The following MIB2 variants were observed in gnomAD, a reference collection of about 807,000 sequenced individuals.
The protein encoded by MIB2 is E3 ubiquitin-protein ligase MIB2.
A neutral mutation model predicts 96.6 loss-of-function variants in MIB2; 78 were observed. That is an observed-to-expected ratio of 0.81 (90% CI 0.67 to 0.97). MIB2 has a LOEUF of 0.97. Ranked by LOEUF, MIB2 falls within the 50% of genes least tolerant of loss-of-function variation. The probability of loss-of-function intolerance (pLI) is 0.00; values close to 1 mark genes in which losing one functional copy is unlikely to be tolerated. For synonymous variants in MIB2, 820 were observed against 629.5 expected (o/e 1.30, Z -4.53); for missense variants, 1,543 against 1,424.0 (o/e 1.08, Z -1.35).
At chr1:1,620,294 C>G (rs1644134614) in intron 2 of MIB2, among the ~76,000 whole-genome samples, 1 of 152,156 alleles carries the variant, frequency 6.6e-6, no homozygotes, top group South Asian at 2.1e-4. Flanking sequence ...AGTGTGGGCT[C>G]ATGGCATTGG....
chr1:1,628,575 G>T lies in MIB2; in HGVS notation c.2055G>T (p.Pro685=), dbSNP rs374793754. Residue 685 remains proline, a synonymous_variant, in exon 16 of 20, where the codon CCG becomes CCT. Coordinates refer to ENST00000355826, the MANE Select transcript of MIB2 (RefSeq NM_001170687.4). ...AVQQAHVGLV[P]LLVDAGCSVN... ...AACAGGCCCACGTGGGGCTGGTGCCGCTACTGGTGGACGCTGGGTGCAGTG... is the reference window on the plus strand; with the variant it reads ...AACAGGCCCACGTGGGGCTGGTGCCTCTACTGGTGGACGCTGGGTGCAGTG... The T allele has an allele frequency of 1.2e-6, 2 of 1,600,426 alleles. No individual in the cohort carries two copies. Among genetic ancestry groups the T allele is most frequent in the East Asian group, 2.2e-5 (1 of 44,646 alleles).
Position 1,628,492 on chromosome 1 carries a change from C to T in MIB2, c.1972C>T (p.Arg658Cys), listed in dbSNP as rs371873507. ...GCCCGTCCCCACCCCTCCCCAGGGC[C>T]GCTGTGACGTGAACGTGCGCAACCG... ...EVAQILIREG[R>C]CDVNVRNRKL... The change falls in exon 16 of 20, where the codon CGC becomes TGC. Residue 658 changes from arginine to cysteine, a missense_variant. By Grantham distance (180) the Arg-to-Cys change is radical. Transcript: ENST00000355826. 27 of 1,597,774 alleles carry T rather than the reference C, an allele frequency of 1.7e-5. No individual in the cohort carries two copies. The highest frequency in any genetic ancestry group is 1.7e-4 in the Middle Eastern group (1 of 5,986).
chr1:1,627,404 G>C lies in MIB2; in HGVS notation c.1483G>C (p.Asp495His). 1 of 1,612,950 alleles carries C rather than the reference G, an allele frequency of 6.2e-7. No homozygotes were observed. Among genetic ancestry groups the C allele is most frequent in the Non-Finnish European group, 8.5e-7 (1 of 1,179,924 alleles). Residue 495 changes from aspartate to histidine, a missense_variant, in exon 12 of 20, where the codon GAC becomes CAC. Asp to His is a moderately conservative substitution (Grantham distance 81, BLOSUM62 -1). Transcript: ENST00000355826. ...AGCCAGGGCGGGCGTGGACCTGCCG[G>C]ACGACGAGGGCAACACGGCACTGCA... is the stretch of plus-strand genomic sequence containing the variant. ...LQARAGVDLP[D>H]DEGNTALHYA...
Position 1,627,066 on chromosome 1 carries a change from GC to G in MIB2, c.1241-3del. 2 of 1,600,464 alleles carry G rather than the reference GC, an allele frequency of 1.2e-6. No individual in the cohort carries two copies. The highest frequency in any genetic ancestry group is 1.7e-5 in the Admixed American group (1 of 58,184). ...CCTGGCCACCACTAACCTCAGCCCT[GC>G]CCCCAGGCTCACTGAGCGTGGCCCT... On this transcript the variant is annotated splice_polypyrimidine_tract_variant and splice_region_variant and intron_variant, in intron 10 of 19. Coordinates refer to ENST00000355826, the MANE Select transcript of MIB2 (RefSeq NM_001170687.4).
intron 1 of MIB2, chr1:1,615,963 C>G: frequency 2.0e-6 from 2 of 986,366 alleles, no homozygotes; most frequent in Non-Finnish European, 2.4e-6. Flanking sequence ...TCTGGCCTGG[C>G]CTGGCCGCCG....
At chr1:1,617,539 G>A (rs1313642302) in intron 2 of MIB2, 3 of 152,228 alleles carry the variant, frequency 2.0e-5, no homozygotes, top group South Asian at 2.1e-4. Flanking sequence ...GTGTGACACT[G>A]CCTTTAGAAA....
chr1:1,615,894 C>T, intron 1 of MIB2: 2 of 1,038,140 alleles, frequency 1.9e-6, no homozygotes, highest in Non-Finnish European at 2.3e-6. Context: ...GCCAGCGGCG[C>T]TGGGGTCGGC....
At position 1,628,453 on chromosome 1, in the gene MIB2, G is replaced by A. The variant is rs544143745; in HGVS notation, c.1969-36G>A. The stretch of plus-strand genomic sequence containing the variant: ...GACCGGGGAGCGGGAGGCCCACTGG[G>A]GTCCCTGGGCTGAGCCCGTCCCCAC... On this transcript the variant is annotated intron_variant, in intron 15 of 19. Coordinates refer to ENST00000355826, the MANE Select transcript of MIB2 (RefSeq NM_001170687.4). The A allele has an allele frequency of 6.4e-5, 103 of 1,598,396 alleles. 2 individuals are homozygous for A. In the South Asian group the frequency reaches 1.0e-3, roughly 16 times the overall value.
rs1393825349 is a variant in MIB2 at position 1,629,474 on chromosome 1, C to T, written c.2471C>T (p.Ala824Val). ...GTGACGAACCTGCACGTGGGCGCCG[C>T]GCCGGGGCCCGAGGCCGCTGAGTGC... ...NTVTNLHVGA[A>V]PGPEAAECLV... Residue 824 changes from alanine to valine, a missense_variant, in exon 18 of 20, where the codon GCG becomes GTG. By Grantham distance (64) the Ala-to-Val change is moderately conservative. Transcript: ENST00000355826. 2.0e-6 allele frequency: 3 copies of T among 1,532,270 alleles called. No individual in the cohort carries two copies. Among genetic ancestry groups the T allele is most frequent in the Non-Finnish European group, 2.6e-6 (3 of 1,145,374 alleles). The allele number at this position is 1,532,270 out of a possible 1,614,324, so 94.9% of individuals were successfully genotyped here.
chr1:1,616,081 G>A, intron 1 of MIB2: 1 of 984,266 alleles, frequency 1.0e-6, no homozygotes, highest in Non-Finnish European at 1.2e-6. Context: ...GGAAACGTCC[G>A]GGCAAGTTGG....
chr1:1,615,657 C>G, intron 1 of MIB2, 24 bp downstream of exon 1: 8 of 1,565,552 alleles, frequency 5.1e-6, no homozygotes, highest in Non-Finnish European at 6.9e-6. Flanking sequence ...CGGATCTCCT[C>G]CCCTGGTCCT....
At position 1,624,875 on chromosome 1, in the gene MIB2, C is replaced by T. The variant is rs373335406; in HGVS notation, c.500C>T (p.Pro167Leu). The change falls in exon 5 of 20, where the codon CCC (proline) becomes CTC (leucine). Residue 167 changes from proline (P) to leucine (L), a missense_variant. Pro to Leu is a moderately conservative substitution (Grantham distance 98). Coordinates refer to ENST00000355826, the MANE Select transcript of MIB2 (RefSeq NM_001170687.4). Reference protein sequence around the residue: ...IFQGAKVVRGPDWEWGSQDGG... With the variant: ...IFQGAKVVRGLDWEWGSQDGG... ...CAGGGAGCGAAGGTGGTGCGAGGCC[C>T]CGACTGGGAGTGGGGCTCACAGGAT... 3 of 1,612,922 alleles carry T rather than the reference C, an allele frequency of 1.9e-6. No homozygotes were observed. The African/African-American group carries it at 4.0e-5, about 22-fold the overall frequency.
In MIB2 at chr1:1,616,542, A is replaced by G. The variant is rs894030710; in HGVS notation, c.-95A>G. The G allele has an allele frequency of 6.2e-7, 1 of 1,603,234 alleles. No homozygotes were observed. Among genetic ancestry groups the G allele is most frequent in the East Asian group, 2.3e-5 (1 of 44,290 alleles). ...CCCAGCGAGGCTAGAGGCCAGTCCCAAAGTTTCCAGGCATCAGGGCTGCAG... is the reference window on the plus strand; with the variant it reads ...CCCAGCGAGGCTAGAGGCCAGTCCCGAAGTTTCCAGGCATCAGGGCTGCAG... On this transcript the variant is annotated 5_prime_UTR_variant, in exon 2 of 20. Coordinates refer to ENST00000355826, the MANE Select transcript of MIB2 (RefSeq NM_001170687.4).
rs767655549 is a variant in MIB2 at position 1,630,369 on chromosome 1, C to A, written c.2707C>A (p.Arg903=). The change falls in exon 20 of 20, where the codon CGG becomes AGG. Residue 903 remains arginine (R), a synonymous_variant. Coordinates refer to ENST00000355826, the MANE Select transcript of MIB2 (RefSeq NM_001170687.4). ...GGTGGAGGAGCTGCAGAGCCGCTAC[C>A]GGCAGATGGAGGAACGCATCACCTG... The part of the protein sequence containing the change: ...QLVEELQSRY[R]QMEERITCPI... 3.7e-5 allele frequency: 57 copies of A among 1,547,490 alleles called. No individual in the cohort carries two copies. Among genetic ancestry groups the A allele is most frequent in the Non-Finnish European group, 4.0e-5 (46 of 1,147,526 alleles).
At position 1,616,149 on chromosome 1, in the gene MIB2, C is replaced by G. The variant is rs1051740203; in HGVS notation, c.-129-359C>G. On this transcript the variant is annotated intron_variant, in intron 1 of 19. Transcript: ENST00000355826. ...CTGGCAGCGGACAGGGCCGGGCGGC[C>G]TCCGCGAGCCACGGGCACGAATGAC... The G allele has an allele frequency of 5.6e-3, 5,413 of 968,022 alleles. 28 individuals carry two copies. Among genetic ancestry groups the G allele is most frequent in the Non-Finnish European group, 6.4e-3 (5,241 of 814,198 alleles). 60.0% of individuals were successfully genotyped at this position (968,022 alleles called of 1,614,324 possible). A position where few individuals can be genotyped will look rare whatever the true frequency, so the allele number is the denominator to read the frequency against.
rs757215863 is a variant in MIB2, at chr1:1,627,392, G to A, written c.1471G>A (p.Val491Met). 1.7e-5 allele frequency: 27 copies of A among 1,612,894 alleles called. No homozygotes were observed. The East Asian group carries it at 3.1e-4, about 19-fold the overall frequency. ...IRLLLQARAG[V>M]DLPDDEGNTA... is the part of the protein sequence containing the mutation. Reference sequence around the variant, plus strand: ...GCTGCTGCTACAAGCCAGGGCGGGCGTGGACCTGCCGGACGACGAGGGCAA... The same window carrying A: ...GCTGCTGCTACAAGCCAGGGCGGGCATGGACCTGCCGGACGACGAGGGCAA... Residue 491 changes from valine (V) to methionine (M), a missense_variant, in exon 12 of 20, where the codon GTG becomes ATG. Transcript: ENST00000355826.
Position 1,625,348 on chromosome 1 carries a change from A to G in MIB2, c.784A>G (p.Lys262Glu). 1 of 1,581,236 alleles carries G rather than the reference A, an allele frequency of 6.3e-7. No homozygotes were observed. Among genetic ancestry groups the G allele is most frequent in the Non-Finnish European group, 8.6e-7 (1 of 1,164,366 alleles). Residue 262 changes from lysine (K) to glutamate (E), a missense_variant, in exon 7 of 20, where the codon AAG (lysine) becomes GAG (glutamate). Transcript: ENST00000355826. The surrounding 1 kb of genome is among the most constrained non-coding windows in gnomAD (Gnocchi z 5.0). ...CAGCCAGCCCTTCCAGCACGGGGAC[A>G]AGGTCAAGTGTCTGCTGGACACTGA... is the stretch of plus-strand genomic sequence containing the variant. ...ADSQPFQHGD[K>E]VKCLLDTDVL...
intron 16 of MIB2, 98 bp from the exon 17 acceptor site, chr1:1,629,035 C>A: frequency 1.6e-6 from 2 of 1,264,564 alleles, no homozygotes; most frequent in Non-Finnish European, 2.1e-6. Context: ...GTATTTTAGA[C>A]ATGGGGCGCC....
Position 1,630,405 on chromosome 1 carries a change from A to G in MIB2, c.2743A>G (p.Ile915Val). 1.3e-6 allele frequency: 2 copies of G among 1,573,468 alleles called. No homozygotes were observed. The highest frequency in any genetic ancestry group is 1.7e-6 in the Non-Finnish European group (2 of 1,161,998). ...GGAACGCATCACCTGCCCCATCTGC[A>G]TCGACAGCCACATCCGCCTCGTGTT... is the stretch of plus-strand genomic sequence containing the variant. ...MEERITCPICIDSHIRLVFQC... is the reference protein window; with the variant it reads ...MEERITCPICVDSHIRLVFQC... Residue 915 changes from isoleucine (I) to valine (V), a missense_variant, in exon 20 of 20, where the codon ATC becomes GTC. Ile to Val is a conservative substitution (Grantham distance 29, BLOSUM62 3). Coordinates refer to ENST00000355826, the MANE Select transcript of MIB2 (RefSeq NM_001170687.4).
Sources: allele counts gnomAD v4.1 joint callset (sites outside exome capture counted in the v4.1 genomes callset), GRCh38; gene constraint gnomAD v4.1.1; non-coding constraint Gnocchi (gnomAD v3.1); transcripts MANE v1.5; gene names NCBI Gene and HGNC (gene_info 2026-07-23, HGNC 2026-07-21).